The following ITGB5 variants were observed in gnomAD, a reference collection of about 807,000 sequenced individuals.
ITGB5 encodes integrin subunit beta 5.
ITGB5 carries 38 observed loss-of-function variants against 84.8 expected under a neutral mutation model. The observed-to-expected ratio is 0.45, with a 90% confidence interval of 0.35 to 0.59. The LOEUF (loss-of-function observed/expected upper bound fraction) is 0.59. Among genes scored for constraint, ITGB5 ranks in the 20% least tolerant of loss-of-function variants. The pLI is 0.01. For missense variants in ITGB5, 905 were observed against 1,034.5 expected, an observed-to-expected ratio of 0.87 and a Z score of 1.72; for synonymous variants, 393 against 414.4, an observed-to-expected ratio of 0.95 and a Z score of 0.63.
upstream of ITGB5, among the ~76,000 whole-genome samples, chr3:124,890,751 A>T (rs1040546824): frequency 6.6e-6 from 1 of 151,846 alleles, no homozygotes; most frequent in Non-Finnish European, 1.5e-5. Context: ...ACTTGCCCAG[A>T]CCTGCCATAA....
chr3:124,844,691 G>A (rs1249307308), intron 4 of ITGB5, among the ~76,000 whole-genome samples: 1 of 152,208 alleles, frequency 6.6e-6, no homozygotes, highest in African/African-American at 2.4e-5. Context: ...TCCTGCAGAG[G>A]GCTGAACACT....
chr3:124,792,553 C>A (rs1322955394), intron 10 of ITGB5: 1 of 152,200 alleles, frequency 6.6e-6, no homozygotes, highest in African/African-American at 2.4e-5. Context: ...CACCAACTGG[C>A]CACACATCCA....
intron 7 of ITGB5, among the ~76,000 whole-genome samples, chr3:124,819,169 T>C (rs185552882): frequency 4.3e-4 from 65 of 152,328 alleles, no homozygotes; most frequent in African/African-American, 1.5e-3. Flanking sequence ...AGGACACTTA[T>C]TGGTTTCTTT....
chr3:124,831,518 C>A (rs191814547), intron 5 of ITGB5, among the ~76,000 whole-genome samples: 32 of 152,306 alleles, frequency 2.1e-4, no homozygotes, highest in South Asian at 1.2e-3. Context: ...CCCAGACCAC[C>A]AATTCTTGGG....
chr3:124,764,663 T>G (rs1298304238), intron 13 of ITGB5, 106 bp from the exon 14 acceptor site: 5 of 1,097,332 alleles, frequency 4.6e-6, no homozygotes, highest in African/African-American at 3.1e-5. Flanking sequence ...TCCAAAGGCC[T>G]TCTCCTCGGC....
At chr3:124,807,859 G>A (rs546997982) in intron 9 of ITGB5, among the ~76,000 whole-genome samples, 21 of 141,686 alleles carry the variant, frequency 1.5e-4, no homozygotes, top group East Asian at 1.3e-3. Flanking sequence ...GGAGAATGGC[G>A]TGAACCCGGG....
intron 11 of ITGB5, among the ~76,000 whole-genome samples, chr3:124,771,220 C>T (rs2063838614): frequency 6.6e-6 from 1 of 152,084 alleles, no homozygotes; most frequent in African/African-American, 2.4e-5. Context: ...TGTGAACTCA[C>T]CCAAAGTGAA....
intron 13 of ITGB5, among the ~76,000 whole-genome samples, chr3:124,765,697 T>G (rs749290019): frequency 6.8e-6 from 1 of 146,858 alleles, no homozygotes; most frequent in Non-Finnish European, 1.5e-5. Context: ...GGCCCCCAGC[T>G]GCACATTCAT....
intron 5 of ITGB5, among the ~76,000 whole-genome samples, chr3:124,829,380 C>T (rs1311118277): frequency 9.2e-5 from 14 of 152,246 alleles, no homozygotes; most frequent in Admixed American, 6.5e-4. Context: ...ACGCACTGGA[C>T]GCAGATGCAT....
chr3:124,890,497 C>A (rs774963633), upstream of ITGB5, among the ~76,000 whole-genome samples: 2 of 152,122 alleles, frequency 1.3e-5, no homozygotes, highest in Admixed American at 1.3e-4. Context: ...CCGCGCCCGG[C>A]CTTATCTAGC....
upstream of ITGB5, among the ~76,000 whole-genome samples, chr3:124,890,258 C>G (rs1311304873): frequency 7.2e-6 from 1 of 138,706 alleles, no homozygotes; most frequent in Non-Finnish European, 1.5e-5. Context: ...AGCTGGAGTG[C>G]AGTGGCACAA....
At chr3:124,863,904 T>C (rs1247201729) in intron 2 of ITGB5, among the ~76,000 whole-genome samples, 1 of 150,956 alleles carries the variant, frequency 6.6e-6, no homozygotes, top group East Asian at 1.9e-4. Context: ...GTAATGGCTA[T>C]GACCTTCCAG....
chr3:124,881,065 C>T (rs2107649916), intron 1 of ITGB5, among the ~76,000 whole-genome samples: 1 of 152,144 alleles, frequency 6.6e-6, no homozygotes, highest in East Asian at 1.9e-4. Flanking sequence ...CTCACTGCAA[C>T]CTCGGCCTCC....
intron 1 of ITGB5, among the ~76,000 whole-genome samples, chr3:124,874,306 G>GAAAAAAAAAAAA (rs59287818): frequency 5.3e-5 from 6 of 113,386 alleles, no homozygotes; most frequent in East Asian, 2.7e-4. Context: ...TCAAAAGCCG[G>GAAAAAAAAAAAA]AAAAAAAAAA....
intron 3 of ITGB5, 67 bp from the exon 4 acceptor site, chr3:124,848,625 T>A: frequency 6.6e-7 from 1 of 1,524,818 alleles, no homozygotes; most frequent in Non-Finnish European, 8.8e-7. Context: ...GGGATGGGAT[T>A]TGCTTTCAAA....
intron 4 of ITGB5, among the ~76,000 whole-genome samples, chr3:124,846,566 G>A (rs1170645377): frequency 6.6e-6 from 1 of 152,178 alleles, no homozygotes. Flanking sequence ...TTTAGGGACA[G>A]GTATTATTAC....
intron 5 of ITGB5, among the ~76,000 whole-genome samples, chr3:124,834,375 A>G (rs1399163589): frequency 6.6e-6 from 1 of 151,018 alleles, no homozygotes; most frequent in African/African-American, 2.4e-5. Context: ...TTTGCTATGA[A>G]CCTAAAACTG....
At chr3:124,816,113 G>A (rs2064586652) in intron 8 of ITGB5, among the ~76,000 whole-genome samples, 1 of 152,158 alleles carries the variant, frequency 6.6e-6, no homozygotes, top group African/African-American at 2.4e-5. Flanking sequence ...GGGAGCAGTG[G>A]GAAGGGGGAA....
At chr3:124,786,708 G>A (rs889641358) in intron 10 of ITGB5, among the ~76,000 whole-genome samples, 1 of 152,300 alleles carries the variant, frequency 6.6e-6, no homozygotes, top group African/African-American at 2.4e-5. Context: ...TCTGGGTGGA[G>A]CTCTTAGGTC....
Sources: allele counts gnomAD v4.1 joint callset (sites outside exome capture counted in the v4.1 genomes callset), GRCh38; gene constraint gnomAD v4.1.1; transcripts MANE v1.5; gene names NCBI Gene and HGNC (gene_info 2026-07-23, HGNC 2026-07-21).